Variants in UBE2E2 observed in about 807,000 individuals in gnomAD.
UBE2E2 encodes ubiquitin conjugating enzyme E2 E2.
A neutral mutation model predicts 24.7 loss-of-function variants in UBE2E2; 6 were observed. The ratio of observed to expected loss-of-function variants is 0.24; its 90% CI spans 0.13 to 0.48. UBE2E2 has a LOEUF of 0.48. Among genes scored for constraint, UBE2E2 ranks in the 20% least tolerant of loss-of-function variants. The probability of loss-of-function intolerance (pLI) is 0.99; values close to 1 mark genes in which losing one functional copy is unlikely to be tolerated. For missense variants in UBE2E2, 169 were observed against 245.0 expected, an observed-to-expected ratio of 0.69 and a Z score of 2.07; for synonymous variants, 104 against 83.6, an observed-to-expected ratio of 1.24 and a Z score of -1.33.
chr3:23,546,998 G>T (rs1695539739), intron 5 of UBE2E2, among the ~76,000 whole-genome samples: 2 of 152,006 alleles, frequency 1.3e-5, no homozygotes, highest in African/African-American at 4.8e-5. Flanking sequence ...GGATTATTCT[G>T]TTTCTGTTAG....
At chr3:23,475,776 G>T (rs1321392626) in intron 3 of UBE2E2, among the ~76,000 whole-genome samples, 2 of 152,028 alleles carry the variant, frequency 1.3e-5, no homozygotes, top group Admixed American at 1.3e-4. Flanking sequence ...GGGTTTACAG[G>T]CTCTATAGAA....
chr3:23,571,258 C>T (rs1281546392), intron 5 of UBE2E2, among the ~76,000 whole-genome samples: 1 of 102,614 alleles, frequency 9.7e-6, no homozygotes, highest in Non-Finnish European at 2.2e-5. Flanking sequence ...CTATCAGAGT[C>T]CCCTCACCTG....
chr3:23,514,413 C>CT (rs960264350), intron 4 of UBE2E2, among the ~76,000 whole-genome samples: 7 of 152,038 alleles, frequency 4.6e-5, no homozygotes, highest in African/African-American at 1.4e-4. Context: ...CTTCTGAAAT[C>CT]TTTTTTGCCC....
intron 3 of UBE2E2, among the ~76,000 whole-genome samples, chr3:23,400,633 C>CACACACACAT: frequency 7.4e-6 from 1 of 134,276 alleles, no homozygotes; most frequent in Non-Finnish European, 1.7e-5. Flanking sequence ...CACACACACA[C>CACACACACAT]ACACACACAT....
Position 23,222,589 on chromosome 3 carries a change from G to A in UBE2E2, c.227+5277G>A, listed in dbSNP as rs74610590. ...TCTCTTGTCTGCCACCATGTGATGC[G>A]TACCTTTCACCTTCACCATAATTGT... On this transcript the variant is annotated intron_variant, in intron 3 of 5. Coordinates refer to ENST00000396703, the MANE Select transcript of UBE2E2 (RefSeq NM_152653.4). Among the ~76,000 whole-genome samples the A allele has an allele frequency of 3.8e-3, 574 of 152,202 alleles. 1 individual carries two copies. The highest frequency in any genetic ancestry group is 6.1e-3 in the Non-Finnish European group (414 of 68,004).
chr3:23,382,356 AT>A (rs914343076), intron 3 of UBE2E2, among the ~76,000 whole-genome samples: 44 of 151,540 alleles, frequency 2.9e-4, no homozygotes, highest in African/African-American at 9.4e-4. Context: ...TAATTTTTGT[AT>A]TTTTAGTACA....
At position 23,499,724 on chromosome 3, in the gene UBE2E2, C is replaced by T; in HGVS notation, c.344C>T (p.Pro115Leu). 6.2e-7 allele frequency: 1 copy of T among 1,613,658 alleles called. No individual in the cohort carries two copies. The highest frequency in any genetic ancestry group is 8.5e-7 in the Non-Finnish European group (1 of 1,179,830). Residue 115 changes from proline (P) to leucine (L), a missense_variant, in exon 4 of 6, where the codon CCG becomes CTG. By Grantham distance (98) the Pro-to-Leu change is moderately conservative. This residue lies in a region of UBE2E2 where 105 missense variants were observed against 180.7 expected (regional missense o/e 0.58). Transcript: ENST00000396703. ...GACATTACCTTTTCACCAGACTATCCGTTTAAACCCCCTAAGGTCAGTATG... is the reference window on the plus strand; with the variant it reads ...GACATTACCTTTTCACCAGACTATCTGTTTAAACCCCCTAAGGTCAGTATG... ...FLDITFSPDYPFKPPKVTFRT... is the reference protein window; with the variant it reads ...FLDITFSPDYLFKPPKVTFRT...
intron 5 of UBE2E2, among the ~76,000 whole-genome samples, chr3:23,584,579 C>T (rs191690467): frequency 2.0e-5 from 3 of 150,464 alleles, no homozygotes; most frequent in South Asian, 2.1e-4. Context: ...TCTGGAAAGA[C>T]GGTCTCGCTC....
chr3:23,269,684 C>T (rs762428746), intron 3 of UBE2E2, among the ~76,000 whole-genome samples: 4 of 152,048 alleles, frequency 2.6e-5, no homozygotes, highest in South Asian at 4.2e-4. Context: ...GAGTTGGAGC[C>T]GGGAGCAGCA....
intron 5 of UBE2E2, among the ~76,000 whole-genome samples, chr3:23,563,823 G>A (rs980441306): frequency 6.6e-6 from 1 of 152,020 alleles, no homozygotes; most frequent in Non-Finnish European, 1.5e-5. Flanking sequence ...TTAATGAGGT[G>A]TGTATTTTCC....
intron 3 of UBE2E2, among the ~76,000 whole-genome samples, chr3:23,293,430 T>C (rs891357478): frequency 6.6e-6 from 1 of 152,192 alleles, no homozygotes; most frequent in African/African-American, 2.4e-5. Context: ...ATGCATAATA[T>C]TGTGTCTGGC....
chr3:23,307,799 T>G (rs1288347503), intron 3 of UBE2E2, among the ~76,000 whole-genome samples: 1 of 152,232 alleles, frequency 6.6e-6, no homozygotes, highest in Non-Finnish European at 1.5e-5. Context: ...AGAATAAGCC[T>G]ATTTTTATTT....
intron 3 of UBE2E2, among the ~76,000 whole-genome samples, chr3:23,308,232 T>C (rs1575550300): frequency 1.3e-5 from 2 of 152,344 alleles, no homozygotes; most frequent in African/African-American, 4.8e-5. Context: ...AGATGAAATA[T>C]GTGTAGTAAC....
In UBE2E2 at chr3:23,573,270, G is replaced by A. The variant is rs185963420; in HGVS notation, c.509-16464G>A. On this transcript the variant is annotated intron_variant, in intron 5 of 5. Coordinates refer to ENST00000396703, the MANE Select transcript of UBE2E2 (RefSeq NM_152653.4). ...TGTAAATATAGGAGAAAGTAAATAC[G>A]CAAAGATATTTCTAAACTAGTGCAG... 5.3e-5 allele frequency among the ~76,000 whole-genome samples: 8 copies of A among 152,150 alleles called. No homozygotes were observed. The East Asian group carries it at 9.6e-4, about 18-fold the overall frequency.
chr3:23,550,137 TA>T (rs1394356169), intron 5 of UBE2E2, among the ~76,000 whole-genome samples: 1 of 152,154 alleles, frequency 6.6e-6, no homozygotes, highest in East Asian at 1.9e-4. Context: ...TTACTTTCTA[TA>T]AAAAAACTAG....
intron 5 of UBE2E2, among the ~76,000 whole-genome samples, chr3:23,544,531 C>T (rs1252882052): frequency 1.3e-5 from 2 of 152,156 alleles, no homozygotes; most frequent in Admixed American, 1.3e-4. Flanking sequence ...ATAGCCATTA[C>T]TTACAAGTTA....
intron 4 of UBE2E2, among the ~76,000 whole-genome samples, chr3:23,512,716 G>A (rs919913834): frequency 6.6e-5 from 10 of 152,068 alleles, no homozygotes; most frequent in East Asian, 1.9e-4. Flanking sequence ...AGGCCAAGAC[G>A]GCCAGATCAC....
intron 3 of UBE2E2, among the ~76,000 whole-genome samples, chr3:23,286,090 G>A (rs1164423132): frequency 6.6e-6 from 1 of 152,096 alleles, no homozygotes; most frequent in Non-Finnish European, 1.5e-5. Flanking sequence ...TTGTAGAGTG[G>A]ATAGTTTGCA....
At chr3:23,584,364 T>A (rs1158767423) in intron 5 of UBE2E2, among the ~76,000 whole-genome samples, 1 of 152,086 alleles carries the variant, frequency 6.6e-6, no homozygotes, top group East Asian at 1.9e-4. Flanking sequence ...TCCCTTTTAG[T>A]CTTGTTCCCT....
Sources: allele counts gnomAD v4.1 joint callset (sites outside exome capture counted in the v4.1 genomes callset), GRCh38; gene constraint gnomAD v4.1.1; regional missense constraint gnomAD v4.1.1; transcripts MANE v1.5; gene names NCBI Gene and HGNC (gene_info 2026-07-23, HGNC 2026-07-21).